Variants in IMMP2L observed in about 807,000 individuals in gnomAD.
IMMP2L encodes inner mitochondrial membrane peptidase subunit 2.
In IMMP2L, 18 loss-of-function variants were observed where a neutral mutation model predicts 19.3. The ratio of observed to expected loss-of-function variants is 0.93; its 90% CI spans 0.64 to 1.38. IMMP2L has a LOEUF of 1.38. Among genes scored for constraint, IMMP2L ranks in the 40% most tolerant of loss-of-function variants. The pLI, the probability that IMMP2L is intolerant of heterozygous loss-of-function variation, is 0.00. For synonymous variants in IMMP2L, 76 were observed against 73.0 expected (o/e 1.04, Z -0.21); for missense variants, 233 against 218.2 (o/e 1.07, Z -0.43).
At chr7:111,053,846 C>A (rs1280628142) in intron 3 of IMMP2L, among the ~76,000 whole-genome samples, 1 of 152,146 alleles carries the variant, frequency 6.6e-6, no homozygotes, top group East Asian at 1.9e-4. Flanking sequence ...GGAACTATAT[C>A]AGATTACAGA....
chr7:111,341,322 G>T (rs1236583512), intron 3 of IMMP2L, among the ~76,000 whole-genome samples: 1 of 152,014 alleles, frequency 6.6e-6, no homozygotes, highest in African/African-American at 2.4e-5. Flanking sequence ...ACTGTTCTAG[G>T]CACCTGTCTC....
chr7:111,082,855 C>CAAAAAAAAAAA (rs59384730), intron 3 of IMMP2L, among the ~76,000 whole-genome samples: 6 of 71,168 alleles, frequency 8.4e-5, no homozygotes, highest in African/African-American at 2.5e-4. Flanking sequence ...GCGATTTTGC[C>CAAAAAAAAAAA]AAAAAAAAAA....
intron 5 of IMMP2L, among the ~76,000 whole-genome samples, chr7:110,779,819 TA>T (rs939363302): frequency 3.9e-5 from 6 of 151,958 alleles, no homozygotes; most frequent in African/African-American, 1.4e-4. Flanking sequence ...GCCATGCTGA[TA>T]ACAATTGTTA....
rs149400156 is a variant in IMMP2L at position 111,399,343 on chromosome 7, T to A, written c.239+87895A>T. The stretch of plus-strand genomic sequence containing the variant: ...AATAAACCCAAATACATACAGCCAA[T>A]TGGTCTTCAACAAAGCAAACAGATT... On this transcript the variant is annotated intron_variant, in intron 3 of 5. Coordinates refer to ENST00000405709, the MANE Select transcript of IMMP2L (RefSeq NM_032549.4). Among the ~76,000 whole-genome samples, 19 of 151,988 alleles carry A rather than the reference T, an allele frequency of 1.3e-4. No individual in the cohort carries two copies. In the South Asian group the frequency reaches 3.7e-3, roughly 30 times the overall value.
intron 4 of IMMP2L, among the ~76,000 whole-genome samples, chr7:110,946,076 C>A (rs1342116035): frequency 6.6e-6 from 1 of 152,050 alleles, no homozygotes; most frequent in African/African-American, 2.4e-5. Context: ...GGTGAGAGGC[C>A]AAATACGAAA....
At chr7:111,311,048 G>A (rs2130278462) in intron 3 of IMMP2L, among the ~76,000 whole-genome samples, 1 of 152,206 alleles carries the variant, frequency 6.6e-6, no homozygotes, top group African/African-American at 2.4e-5. Context: ...TGAATTTACT[G>A]CTTTTGATTT....
At chr7:111,530,104 A>G (rs1156732971) in intron 1 of IMMP2L, among the ~76,000 whole-genome samples, 1 of 152,208 alleles carries the variant, frequency 6.6e-6, no homozygotes, top group Non-Finnish European at 1.5e-5. Flanking sequence ...TTTGAATCCA[A>G]GACCTCAGTT....
intron 3 of IMMP2L, among the ~76,000 whole-genome samples, chr7:111,445,446 A>G (rs2131837153): frequency 6.6e-6 from 1 of 152,248 alleles, no homozygotes; most frequent in Admixed American, 6.5e-5. Flanking sequence ...ACATAAGTTT[A>G]AACTGGTTTG....
intron 4 of IMMP2L, among the ~76,000 whole-genome samples, chr7:110,949,138 T>C (rs898702784): frequency 1.3e-5 from 2 of 152,186 alleles, no homozygotes; most frequent in Admixed American, 1.3e-4. Flanking sequence ...TGGCCTGTTA[T>C]GGCAGTTCTC....
chr7:110,845,190 C>T (rs533793813), intron 5 of IMMP2L, among the ~76,000 whole-genome samples: 3 of 152,112 alleles, frequency 2.0e-5, no homozygotes, highest in Non-Finnish European at 4.4e-5. Flanking sequence ...ACCTGTCTCC[C>T]TCAGCATCTA....
intron 1 of IMMP2L, among the ~76,000 whole-genome samples, chr7:111,551,531 T>G (rs1175812993): frequency 1.4e-5 from 2 of 145,804 alleles, no homozygotes; most frequent in African/African-American, 2.5e-5. Flanking sequence ...TGTGTGTGTG[T>G]GGTCACTTGC....
At chr7:111,080,636 C>T (rs1172826196) in intron 3 of IMMP2L, among the ~76,000 whole-genome samples, 1 of 152,046 alleles carries the variant, frequency 6.6e-6, no homozygotes, top group Non-Finnish European at 1.5e-5. Flanking sequence ...GACAGTTAAA[C>T]ATTTGCTGTT....
chr7:110,674,611 A>G (rs769508578), intron 5 of IMMP2L, among the ~76,000 whole-genome samples: 2 of 152,264 alleles, frequency 1.3e-5, no homozygotes, highest in African/African-American at 4.8e-5. Flanking sequence ...ATTCTACAAT[A>G]TTAAATTACC....
At chr7:111,475,316 A>C (rs1841622569) in intron 3 of IMMP2L, among the ~76,000 whole-genome samples, 1 of 152,064 alleles carries the variant, frequency 6.6e-6, no homozygotes, top group Non-Finnish European at 1.5e-5. Flanking sequence ...GGCACTGATA[A>C]AATTTGGTGG....
At chr7:111,337,691 G>C (rs979072869) in intron 3 of IMMP2L, among the ~76,000 whole-genome samples, 1 of 151,780 alleles carries the variant, frequency 6.6e-6, no homozygotes, top group Admixed American at 6.6e-5. Flanking sequence ...ACAGTTGAAT[G>C]GGCAGGTAGG....
intron 3 of IMMP2L, among the ~76,000 whole-genome samples, chr7:111,113,751 T>G (rs1375743575): frequency 6.6e-6 from 1 of 152,144 alleles, no homozygotes; most frequent in East Asian, 1.9e-4. Context: ...CAAGGCACAA[T>G]GTAAGTCTGT....
At position 111,213,822 on chromosome 7, in the gene IMMP2L, A is replaced by G. The variant is rs1259303448; in HGVS notation, c.240-250257T>C. Among the ~76,000 whole-genome samples the G allele has an allele frequency of 1.3e-5, 2 of 152,178 alleles. No homozygotes were observed. Among genetic ancestry groups the G allele is most frequent in the African/African-American group, 2.4e-5 (1 of 41,436 alleles). ...TGACCTGCCTGCGGAGAGCTATCCA[A>G]CGTGGGTCTCCTCGGAGCTGTTCTG... is the stretch of plus-strand genomic sequence containing the variant. On this transcript the variant is annotated intron_variant, in intron 3 of 5. Transcript: ENST00000405709. The surrounding 1 kb of genome is among the most constrained non-coding windows in gnomAD (Gnocchi z 4.8).
At chr7:111,502,803 T>G (rs1411536698) in intron 2 of IMMP2L, among the ~76,000 whole-genome samples, 3 of 151,016 alleles carry the variant, frequency 2.0e-5, no homozygotes, top group Non-Finnish European at 4.4e-5. Context: ...CCAGAATCTC[T>G]GGGACACATT....
chr7:111,193,431 A>ATAAAGTGTGG lies in IMMP2L; in HGVS notation c.240-229876_240-229867dup, dbSNP rs1361640828. 6.6e-5 allele frequency among the ~76,000 whole-genome samples: 10 copies of ATAAAGTGTGG among 152,312 alleles called. 1 individual carries two copies. Among genetic ancestry groups the ATAAAGTGTGG allele is most frequent in the Middle Eastern group, 6.8e-3 (2 of 294 alleles). On this transcript the variant is annotated intron_variant, in intron 3 of 5. Coordinates refer to ENST00000405709, the MANE Select transcript of IMMP2L (RefSeq NM_032549.4). ...TTGAGGTGATTTTTGTCTGACGGTGATAAAGTGTGGTAATGATTTAAAAAG... is the reference window on the plus strand; with the variant it reads ...TTGAGGTGATTTTTGTCTGACGGTGATAAAGTGTGGTAAAGTGTGGTAATGATTTAAAAAG...
Sources: gnomAD v4.1 joint callset for allele counts (sites outside exome capture counted in the v4.1 genomes callset) on GRCh38, gnomAD v4.1.1 for gene constraint, Gnocchi (gnomAD v3.1) non-coding constraint, MANE v1.5 for transcripts, NCBI Gene and HGNC (gene_info 2026-07-23, HGNC 2026-07-21) for gene names.